Variants in GRB14 observed in about 807,000 individuals in gnomAD.
GRB14 encodes growth factor receptor bound protein 14, also known as growth factor receptor-bound protein 14.
In GRB14, 38 loss-of-function variants were observed where a neutral mutation model predicts 69.1. The ratio of observed to expected loss-of-function variants is 0.55; its 90% CI spans 0.42 to 0.72. The LOEUF is 0.72. Ranked by LOEUF, GRB14 falls within the 30% of genes least tolerant of loss-of-function variation. The pLI is 0.00. For missense variants in GRB14, 666 were observed against 666.1 expected, an observed-to-expected ratio of 1.00 and a Z score of 0.00; for synonymous variants, 247 against 241.3, an observed-to-expected ratio of 1.02 and a Z score of -0.22.
At chr2:164,572,784 T>G in intron 2 of GRB14, among the ~76,000 whole-genome samples, 1 of 152,212 alleles carries the variant, frequency 6.6e-6, no homozygotes, top group East Asian at 1.9e-4. Flanking sequence ...TCTATCTGAC[T>G]GTATAAAGCC....
intron 2 of GRB14, among the ~76,000 whole-genome samples, chr2:164,615,380 AAG>A (rs1275878724): frequency 1.3e-5 from 2 of 152,226 alleles, no homozygotes; most frequent in Non-Finnish European, 2.9e-5. Flanking sequence ...AAGAAATAAA[AAG>A]AGGAATTCCA....
At chr2:164,558,078 A>C (rs985357571) in intron 2 of GRB14, among the ~76,000 whole-genome samples, 5 of 152,100 alleles carry the variant, frequency 3.3e-5, no homozygotes, top group Non-Finnish European at 7.4e-5. Context: ...TAGGGTTCCA[A>C]CCAAGAGAAA....
chr2:164,509,013 TTTAA>T (rs1457236095), intron 6 of GRB14, among the ~76,000 whole-genome samples, 161 bp from the exon 7 acceptor site: 3 of 152,306 alleles, frequency 2.0e-5, no homozygotes, highest in African/African-American at 7.2e-5. Context: ...CTGCCATATC[TTTAA>T]TTAACCAGGA....
chr2:164,576,726 A>C (rs1013762307), intron 2 of GRB14, among the ~76,000 whole-genome samples: 13 of 151,874 alleles, frequency 8.6e-5, no homozygotes, highest in African/African-American at 2.7e-4. Context: ...AACAAAAATA[A>C]ATTTACTAAC....
chr2:164,511,514 G>T (rs544541143), intron 6 of GRB14, among the ~76,000 whole-genome samples: 1 of 152,222 alleles, frequency 6.6e-6, no homozygotes, highest in Non-Finnish European at 1.5e-5. Context: ...AGCCAGAAGG[G>T]AACCCACTGC....
intron 6 of GRB14, among the ~76,000 whole-genome samples, chr2:164,514,552 C>G (rs967122524): frequency 6.6e-6 from 1 of 152,142 alleles, no homozygotes; most frequent in African/African-American, 2.4e-5. Context: ...TGGGCACTCT[C>G]GGTCCCTGGG....
chr2:164,605,604 G>C (rs1690024205), intron 2 of GRB14, among the ~76,000 whole-genome samples: 2 of 152,130 alleles, frequency 1.3e-5, no homozygotes, highest in African/African-American at 2.4e-5. Context: ...CAGAAGTCAA[G>C]AAAGTATTTC....
At chr2:164,619,542 G>T in intron 2 of GRB14, 145 bp downstream of exon 2, 1 of 583,800 alleles carries the variant, frequency 1.7e-6, no homozygotes. Context: ...GGAAAATAAT[G>T]CCAAAGGACC....
chr2:164,610,702 C>A (rs933280748), intron 2 of GRB14, among the ~76,000 whole-genome samples: 6 of 151,068 alleles, frequency 4.0e-5, no homozygotes, highest in Admixed American at 1.3e-4. Context: ...TTCAATAATC[C>A]ATTTACTCAT....
At chr2:164,524,104 A>T (rs1441981393) in intron 5 of GRB14, among the ~76,000 whole-genome samples, 2 of 152,116 alleles carry the variant, frequency 1.3e-5, no homozygotes, top group African/African-American at 4.8e-5. Context: ...ATAACCTATT[A>T]AAAAGCCCAC....
chr2:164,515,994 T>A (rs1334410103), intron 6 of GRB14, among the ~76,000 whole-genome samples: 1 of 151,830 alleles, frequency 6.6e-6, no homozygotes, highest in Admixed American at 6.6e-5. Context: ...AGTCAAGGCT[T>A]TCAACTTAAT....
chr2:164,529,394 T>A (rs767216260), intron 3 of GRB14, among the ~76,000 whole-genome samples: 3 of 152,158 alleles, frequency 2.0e-5, no homozygotes, highest in Non-Finnish European at 4.4e-5. Flanking sequence ...ACTGTACACA[T>A]ACAAAATTTC....
chr2:164,560,168 C>A lies in GRB14; in HGVS notation c.325-12352G>T, dbSNP rs1238770551. ...GCTGTATTCTTACCATTCTGTTCGT[C>A]CAGTATTTAGGCTGCTTTAAGCTGC... is the stretch of plus-strand genomic sequence containing the variant. On this transcript the variant is annotated intron_variant, in intron 2 of 13. Coordinates refer to ENST00000263915, the MANE Select transcript of GRB14 (RefSeq NM_004490.3). Among the ~76,000 whole-genome samples, 3 of 152,120 alleles carry A rather than the reference C, an allele frequency of 2.0e-5. No individual in the cohort carries two copies. In the East Asian group the frequency reaches 5.8e-4, roughly 29 times the overall value.
intron 6 of GRB14, 46 bp downstream of exon 6, chr2:164,521,934 C>A (rs748250732): frequency 1.3e-6 from 2 of 1,503,284 alleles, no homozygotes; most frequent in Non-Finnish European, 1.8e-6. Flanking sequence ...TTTTAACTTA[C>A]AGCTTAATAT....
chr2:164,569,929 C>G (rs1689086934), intron 2 of GRB14, among the ~76,000 whole-genome samples: 1 of 152,152 alleles, frequency 6.6e-6, no homozygotes, highest in Admixed American at 6.5e-5. Context: ...GTAAAAGATT[C>G]TGTTCTAACC....
At chr2:164,559,861 A>G (rs1688777138) in intron 2 of GRB14, among the ~76,000 whole-genome samples, 1 of 152,224 alleles carries the variant, frequency 6.6e-6, no homozygotes. Context: ...AGGAATCTCC[A>G]TACTGTTTTC....
At chr2:164,600,686 C>A (rs1689893758) in intron 2 of GRB14, among the ~76,000 whole-genome samples, 1 of 151,850 alleles carries the variant, frequency 6.6e-6, no homozygotes, top group South Asian at 2.1e-4. Context: ...GAATTGCCAT[C>A]CTAAAGCATT....
intron 2 of GRB14, among the ~76,000 whole-genome samples, chr2:164,555,611 A>G (rs1479902751): frequency 6.6e-6 from 1 of 150,736 alleles, no homozygotes; most frequent in African/African-American, 2.4e-5. Context: ...ATTAGTCTTC[A>G]ATTTAAAATA....
At chr2:164,515,627 C>T (rs934525888) in intron 6 of GRB14, among the ~76,000 whole-genome samples, 1 of 152,050 alleles carries the variant, frequency 6.6e-6, no homozygotes, top group Non-Finnish European at 1.5e-5. Flanking sequence ...ACCAGAGAAA[C>T]AATACTGGTA....
Sources: allele counts gnomAD v4.1 joint callset (sites outside exome capture counted in the v4.1 genomes callset), GRCh38; gene constraint gnomAD v4.1.1; transcripts MANE v1.5; gene names NCBI Gene and HGNC (gene_info 2026-07-23, HGNC 2026-07-21).